STAT1: variants seen among roughly 807,000 people sequenced by gnomAD.
The protein encoded by STAT1 is signal transducer and activator of transcription 1-alpha/beta.
In STAT1, 24 loss-of-function variants were observed where a neutral mutation model predicts 111.7. The ratio of observed to expected loss-of-function variants is 0.21; its 90% CI spans 0.16 to 0.30. The LOEUF (loss-of-function observed/expected upper bound fraction) is 0.30. Ranked by LOEUF, STAT1 falls within the 10% of genes least tolerant of loss-of-function variation. STAT1 has a pLI of 1.00. For synonymous variants in STAT1, 332 were observed against 326.5 expected (o/e 1.02, Z -0.18); for missense variants, 351 against 911.9 (o/e 0.38, Z 7.92).
rs1304594534 is a variant in STAT1 at position 191,012,490 on chromosome 2, G to A, written c.-2+1035C>T. ...TCAGTCTCATCTACTCACAAAACCT[G>A]TTACCAACTCAGGGAGTGGCATGGC... On this transcript the variant is annotated intron_variant, in intron 2 of 24. Coordinates refer to ENST00000361099, the MANE Select transcript of STAT1 (RefSeq NM_007315.4). The surrounding 1 kb of genome is among the most constrained non-coding windows in gnomAD (Gnocchi z 4.0). Among the ~76,000 whole-genome samples, 1 of 151,884 alleles carries A rather than the reference G, an allele frequency of 6.6e-6. No individual in the cohort carries two copies. Among genetic ancestry groups the A allele is most frequent in the Non-Finnish European group, 1.5e-5 (1 of 67,992 alleles).
intron 14 of STAT1, 148 bp from the exon 15 acceptor site, chr2:190,985,808 C>T (rs904539985): frequency 2.8e-5 from 24 of 846,870 alleles, no homozygotes; most frequent in Non-Finnish European, 3.8e-5. Context: ...AATTGGCCCT[C>T]GTTCAGGGTC....
In STAT1 at chr2:190,975,895, T is replaced by A; in HGVS notation, c.2060-8A>T. ...GTTCCATTGGCTCTGGTGCTAGAAA[T>A]AAACACATTGTGTACGCTTTCCATC... On this transcript the variant is annotated splice_region_variant and splice_polypyrimidine_tract_variant and intron_variant, in intron 22 of 24. Coordinates refer to ENST00000361099, the MANE Select transcript of STAT1 (RefSeq NM_007315.4). This position sits in a 1 kb window ranked among gnomAD's most constrained non-coding sequence, Gnocchi z 5.9. 2 of 1,609,520 alleles carry A rather than the reference T, an allele frequency of 1.2e-6. No homozygotes were observed. Among genetic ancestry groups the A allele is most frequent in the Non-Finnish European group, 1.7e-6 (2 of 1,175,760 alleles).
rs1420529928 is a variant in STAT1, at chr2:190,984,869, T to C, written c.1264-476A>G. ...ATGGATAGATTTCAAAGTGCCTTCA[T>C]AAGCATTACCTCATGTGAGCCTCAC... On this transcript the variant is annotated intron_variant, in intron 15 of 24. Transcript: ENST00000361099. The surrounding 1 kb of genome is among the most constrained non-coding windows in gnomAD (Gnocchi z 5.2). 1.3e-5 allele frequency among the ~76,000 whole-genome samples: 2 copies of C among 152,216 alleles called. No individual in the cohort carries two copies. Among genetic ancestry groups the C allele is most frequent in the Non-Finnish European group, 2.9e-5 (2 of 68,034 alleles).
In STAT1 at chr2:190,991,338, A is replaced by C; in HGVS notation, c.945-18T>G. 1 of 1,612,822 alleles carries C rather than the reference A, an allele frequency of 6.2e-7. No individual in the cohort carries two copies. The highest frequency in any genetic ancestry group is 1.1e-5 in the South Asian group (1 of 91,050). ...CAAACGAGCTGCAAATACCCAGCAAAGGATAGATAAGTTAGCATTTCCATT... is the reference window on the plus strand; with the variant it reads ...CAAACGAGCTGCAAATACCCAGCAACGGATAGATAAGTTAGCATTTCCATT... On this transcript the variant is annotated intron_variant, in intron 10 of 24. Coordinates refer to ENST00000361099, the MANE Select transcript of STAT1 (RefSeq NM_007315.4).
Position 190,995,546 on chromosome 2 carries a change from C to T in STAT1, c.786-327G>A, listed in dbSNP as rs973515584. Among the ~76,000 whole-genome samples, 1 of 152,092 alleles carries T rather than the reference C, an allele frequency of 6.6e-6. No homozygotes were observed. Among genetic ancestry groups the T allele is most frequent in the Non-Finnish European group, 1.5e-5 (1 of 68,030 alleles). On this transcript the variant is annotated intron_variant, in intron 9 of 24. Coordinates refer to ENST00000361099, the MANE Select transcript of STAT1 (RefSeq NM_007315.4). This position sits in a 1 kb window ranked among gnomAD's most constrained non-coding sequence, Gnocchi z 4.2. ...ACCATGAGAACAGTATTGGGGGAACCACCCCCATGATTCAATTATCTCCAC... is the reference window on the plus strand; with the variant it reads ...ACCATGAGAACAGTATTGGGGGAACTACCCCCATGATTCAATTATCTCCAC...
chr2:191,007,763 C>T lies in STAT1; in HGVS notation c.274-102G>A, dbSNP rs1694816660. 8 of 803,908 alleles carry T rather than the reference C, an allele frequency of 1.0e-5. No homozygotes were observed. Among genetic ancestry groups the T allele is most frequent in the Non-Finnish European group, 1.7e-5 (8 of 472,298 alleles). 49.8% of individuals were successfully genotyped at this position (803,908 alleles called of 1,614,324 possible). A position where few individuals can be genotyped will look rare whatever the true frequency, so the allele number is the denominator to read the frequency against. ...AATTTGTTTATATTCTCCGGGAAACCTCATCTCTCATCTATTAAATTCTAT... is the reference window on the plus strand; with the variant it reads ...AATTTGTTTATATTCTCCGGGAAACTTCATCTCTCATCTATTAAATTCTAT... On this transcript the variant is annotated intron_variant, in intron 4 of 24. Coordinates refer to ENST00000361099, the MANE Select transcript of STAT1 (RefSeq NM_007315.4). This position sits in a 1 kb window ranked among gnomAD's most constrained non-coding sequence, Gnocchi z 4.2.
Position 190,978,873 on chromosome 2 carries a change from C to T in STAT1, c.1856G>A (p.Arg619Gln), listed in dbSNP as rs369060692. ...EGAITFTWVE[R>Q]SQNGGEPDFH... ...CCACTCACCGCCTCCGTTCTGGGAC[C>T]GCTCCACCCATGTGAATGTGATGGC... The change falls in exon 21 of 25, where the codon CGG becomes CAG. Residue 619 changes from arginine to glutamine, a missense_variant. This residue lies in a region of STAT1 where 181 missense variants were observed against 426.1 expected (regional missense o/e 0.42). Transcript: ENST00000361099. The surrounding 1 kb of genome is among the most constrained non-coding windows in gnomAD (Gnocchi z 6.1). The T allele has an allele frequency of 2.9e-5, 47 of 1,613,910 alleles. No homozygotes were observed. The highest frequency in any genetic ancestry group is 3.3e-4 in the Middle Eastern group (2 of 6,078).
rs894687743 is a variant in STAT1, at chr2:191,012,832, C to T, written c.-2+693G>A. Among the ~76,000 whole-genome samples, 5 of 152,318 alleles carry T rather than the reference C, an allele frequency of 3.3e-5. No individual in the cohort carries two copies. The South Asian group carries it at 6.2e-4, about 19-fold the overall frequency. The stretch of plus-strand genomic sequence containing the variant: ...GAAACAGCCTCTCCACAAATTTTTG[C>T]GTCTCTAAATCCTATAGCATTCAAA... On this transcript the variant is annotated intron_variant, in intron 2 of 24. Transcript: ENST00000361099. The surrounding 1 kb of genome is among the most constrained non-coding windows in gnomAD (Gnocchi z 4.0).
intron 15 of STAT1, among the ~76,000 whole-genome samples, chr2:190,985,358 A>C (rs994202603): frequency 6.6e-6 from 1 of 152,256 alleles, no homozygotes; most frequent in African/African-American, 2.4e-5. Flanking sequence ...GATGCGAAGA[A>C]TACAAAAGCC....
rs778360111 is a variant in STAT1 at position 190,980,090 on chromosome 2, C to T, written c.1633-224G>A. ...TCCAGAGCTCTCCACTTCCCTGGGC[C>T]GGGCTCTGCTTCCCTTTCCAAACAG... On this transcript the variant is annotated intron_variant, in intron 19 of 24. Transcript: ENST00000361099. This position sits in a 1 kb window ranked among gnomAD's most constrained non-coding sequence, Gnocchi z 6.1. 6.6e-6 allele frequency among the ~76,000 whole-genome samples: 1 copy of T among 152,212 alleles called. No individual in the cohort carries two copies. The highest frequency in any genetic ancestry group is 1.9e-4 in the East Asian group (1 of 5,196).
Position 191,000,720 on chromosome 2 carries a change from G to A in STAT1, c.462+354C>T, listed in dbSNP as rs1694204352. On this transcript the variant is annotated intron_variant, in intron 6 of 24. Coordinates refer to ENST00000361099, the MANE Select transcript of STAT1 (RefSeq NM_007315.4). This position sits in a 1 kb window ranked among gnomAD's most constrained non-coding sequence, Gnocchi z 4.8. ...ATAAAACAGATGACTGGGAAGGATGGGCCATGTTTATCCTGGGGCACTGTG... is the reference window on the plus strand; with the variant it reads ...ATAAAACAGATGACTGGGAAGGATGAGCCATGTTTATCCTGGGGCACTGTG... Among the ~76,000 whole-genome samples, 1 of 152,102 alleles carries A rather than the reference G, an allele frequency of 6.6e-6. No homozygotes were observed. Among genetic ancestry groups the A allele is most frequent in the South Asian group, 2.1e-4 (1 of 4,828 alleles).
In STAT1 at chr2:191,000,112, G is replaced by A. The variant is rs1694156535; in HGVS notation, c.463-408C>T. Among the ~76,000 whole-genome samples the A allele has an allele frequency of 6.6e-6, 1 of 152,186 alleles. No homozygotes were observed. The highest frequency in any genetic ancestry group is 6.5e-5 in the Admixed American group (1 of 15,284). Reference sequence around the variant, plus strand: ...GTAAGAAAAGTGACCATACATCCCTGCTTTACCGGGATAGACCTGGTTTCA... The same window carrying A: ...GTAAGAAAAGTGACCATACATCCCTACTTTACCGGGATAGACCTGGTTTCA... On this transcript the variant is annotated intron_variant, in intron 6 of 24. Transcript: ENST00000361099. The surrounding 1 kb of genome is among the most constrained non-coding windows in gnomAD (Gnocchi z 4.8).
Position 190,987,345 on chromosome 2 carries a change from T to A in STAT1, c.1098-277A>T, listed in dbSNP as rs774175752. 1.3e-5 allele frequency among the ~76,000 whole-genome samples: 2 copies of A among 152,186 alleles called. No homozygotes were observed. The highest frequency in any genetic ancestry group is 2.9e-5 in the Non-Finnish European group (2 of 68,040). ...AACAGTGCCAACATATAGGACATCA[T>A]GAGGAATAAACTAGTTAATTCCTCA... On this transcript the variant is annotated intron_variant, in intron 12 of 24. Coordinates refer to ENST00000361099, the MANE Select transcript of STAT1 (RefSeq NM_007315.4). The surrounding 1 kb of genome is among the most constrained non-coding windows in gnomAD (Gnocchi z 4.0).
At position 190,983,639 on chromosome 2, in the gene STAT1, T is replaced by C; in HGVS notation, c.1446+3A>G. On this transcript the variant is annotated splice_donor_region_variant and intron_variant, in intron 17 of 24. Coordinates refer to ENST00000361099, the MANE Select transcript of STAT1 (RefSeq NM_007315.4). The surrounding 1 kb of genome is among the most constrained non-coding windows in gnomAD (Gnocchi z 5.7). ...GGGACCAAAGCAAATGTGTTTTCCA[T>C]ACCCTGGGTTCCGCCACCAGCATGT... 6.2e-7 allele frequency: 1 copy of C among 1,613,886 alleles called. No individual in the cohort carries two copies.
rs1320324357 is a variant in STAT1 at position 191,007,909 on chromosome 2, T to C, written c.274-248A>G. On this transcript the variant is annotated intron_variant, in intron 4 of 24. Coordinates refer to ENST00000361099, the MANE Select transcript of STAT1 (RefSeq NM_007315.4). The surrounding 1 kb of genome is among the most constrained non-coding windows in gnomAD (Gnocchi z 4.2). ...ATTTAAAAACAAGTATTTTCACATA[T>C]GGTTCACATAATATTTTTACTTTAA... 3.6e-6 allele frequency: 2 copies of C among 554,658 alleles called. No individual in the cohort carries two copies. Among genetic ancestry groups the C allele is most frequent in the African/African-American group, 3.8e-5 (2 of 52,790 alleles). 34.4% of individuals were successfully genotyped at this position (554,658 alleles called of 1,614,324 possible).
In STAT1 at chr2:190,990,827, A is replaced by G. The variant is rs1296241009; in HGVS notation, c.1037+401T>C. On this transcript the variant is annotated intron_variant, in intron 11 of 24. Coordinates refer to ENST00000361099, the MANE Select transcript of STAT1 (RefSeq NM_007315.4). The surrounding 1 kb of genome is among the most constrained non-coding windows in gnomAD (Gnocchi z 5.1). ...ACTGATGAAAGCTATAAATCCATCC[A>G]TCAGAAAAATGTACATGTTATAAAT... Among the ~76,000 whole-genome samples the G allele has an allele frequency of 6.6e-6, 1 of 152,224 alleles. No homozygotes were observed. Among genetic ancestry groups the G allele is most frequent in the Non-Finnish European group, 1.5e-5 (1 of 68,038 alleles).
At position 190,998,050 on chromosome 2, in the gene STAT1, A is replaced by T. The variant is rs41330944; in HGVS notation, c.634-43T>A. 0.012 allele frequency: 19,309 copies of T among 1,604,156 alleles called. 134 individuals carry two copies. The highest frequency in any genetic ancestry group is 0.014 in the Non-Finnish European group (16,345 of 1,172,700). On this transcript the variant is annotated intron_variant, in intron 8 of 24. Transcript: ENST00000361099. This position sits in a 1 kb window ranked among gnomAD's most constrained non-coding sequence, Gnocchi z 4.1. ...AACAAAGTGAAATAAATTCATTTTTAATCACTGAATTTTAAAATATTTTTT... is the reference window on the plus strand; with the variant it reads ...AACAAAGTGAAATAAATTCATTTTTTATCACTGAATTTTAAAATATTTTTT...
chr2:190,997,763 AG>A lies in STAT1; in HGVS notation c.785+92del. 2 of 1,565,540 alleles carry A rather than the reference AG, an allele frequency of 1.3e-6. No individual in the cohort carries two copies. Among genetic ancestry groups the A allele is most frequent in the East Asian group, 4.5e-5 (2 of 44,472 alleles). The stretch of plus-strand genomic sequence containing the variant: ...TCAAACTCTATACTAATGTTTTGAC[AG>A]GGTCCATTCAACTAACACAGCTCAA... On this transcript the variant is annotated intron_variant, in intron 9 of 24. Transcript: ENST00000361099. The surrounding 1 kb of genome is among the most constrained non-coding windows in gnomAD (Gnocchi z 7.3).
At chr2:191,001,031 C>G (rs570304968) in intron 6 of STAT1, 43 bp downstream of exon 6, 1 of 1,486,056 alleles carries the variant, frequency 6.7e-7, no homozygotes, top group Non-Finnish European at 9.4e-7. Context: ...TTTTCCCCTA[C>G]AGAAAGTTTC....
Sources: allele counts gnomAD v4.1 joint callset (sites outside exome capture counted in the v4.1 genomes callset), GRCh38; gene constraint gnomAD v4.1.1; regional missense constraint gnomAD v4.1.1; non-coding constraint Gnocchi (gnomAD v3.1); transcripts MANE v1.5; gene names NCBI Gene and HGNC (gene_info 2026-07-23, HGNC 2026-07-21).